SPOCK3: variants seen among roughly 807,000 people sequenced by gnomAD.
SPOCK3 encodes SPARC (osteonectin), cwcv and kazal like domains proteoglycan 3.
SPOCK3 carries 30 observed loss-of-function variants against 56.6 expected under a neutral mutation model. That is an observed-to-expected ratio of 0.53 (90% CI 0.40 to 0.72). SPOCK3 has a LOEUF of 0.72. SPOCK3 is among the 30% of genes least tolerant of loss of function. The pLI is 0.00. For missense variants in SPOCK3, 527 were observed against 530.0 expected (o/e 0.99, Z 0.06); for synonymous variants, 196 against 183.3 (o/e 1.07, Z -0.56).
intron 3 of SPOCK3, 76 bp from the exon 4 acceptor site, chr4:167,000,539 G>C: frequency 1.4e-6 from 1 of 697,850 alleles, no homozygotes; most frequent in Non-Finnish European, 2.5e-6. Context: ...AACACAATTT[G>C]ATCAGGTCAT....
chr4:166,832,078 C>T (rs1746137456), intron 6 of SPOCK3, among the ~76,000 whole-genome samples: 5 of 152,038 alleles, frequency 3.3e-5, no homozygotes, highest in African/African-American at 9.6e-5. Context: ...TGCAGAAGCT[C>T]TTTAGTTTAA....
At chr4:167,197,424 G>A (rs114391017) in intron 2 of SPOCK3, among the ~76,000 whole-genome samples, 2 of 152,016 alleles carry the variant, frequency 1.3e-5, no homozygotes, top group Non-Finnish European at 2.9e-5. Context: ...AATTCATGAC[G>A]TGAAATTTAG....
intron 2 of SPOCK3, among the ~76,000 whole-genome samples, chr4:167,073,275 T>A (rs1000367085): frequency 1.3e-5 from 2 of 151,734 alleles, no homozygotes; most frequent in Admixed American, 1.3e-4. Context: ...TTATATAACA[T>A]AAAAATGTTA....
chr4:166,815,843 G>T (rs1418778147), intron 6 of SPOCK3, among the ~76,000 whole-genome samples: 1 of 151,892 alleles, frequency 6.6e-6, no homozygotes, highest in Admixed American at 6.6e-5. Context: ...AACCCTAAGA[G>T]GCATTATCAC....
At chr4:166,858,658 C>T (rs1730925230) in intron 6 of SPOCK3, among the ~76,000 whole-genome samples, 1 of 152,110 alleles carries the variant, frequency 6.6e-6, no homozygotes, top group Non-Finnish European at 1.5e-5. Context: ...TGTGATCATA[C>T]ATGTGGAATG....
At chr4:166,841,214 C>T (rs1177614966) in intron 6 of SPOCK3, among the ~76,000 whole-genome samples, 6 of 152,060 alleles carry the variant, frequency 3.9e-5, no homozygotes, top group South Asian at 2.1e-4. Context: ...GGTGCAAAAA[C>T]GCTTTAAGGA....
intron 4 of SPOCK3, among the ~76,000 whole-genome samples, chr4:166,913,019 T>C (rs1020161394): frequency 6.6e-6 from 1 of 152,160 alleles, no homozygotes; most frequent in African/African-American, 2.4e-5. Flanking sequence ...ATGTGAACCC[T>C]TTTGATAGAC....
chr4:166,948,161 C>T (rs774906572), intron 4 of SPOCK3, among the ~76,000 whole-genome samples: 10 of 152,130 alleles, frequency 6.6e-5, no homozygotes, highest in Admixed American at 2.6e-4. Flanking sequence ...TAATGTCCTC[C>T]AGTTTCATCC....
intron 6 of SPOCK3, among the ~76,000 whole-genome samples, chr4:166,865,671 C>T (rs1579470573): frequency 6.6e-6 from 1 of 152,042 alleles, no homozygotes; most frequent in African/African-American, 2.4e-5. Flanking sequence ...GAGTGAACTC[C>T]CATTCACAAT....
chr4:166,946,249 C>T (rs1020344426), intron 4 of SPOCK3, among the ~76,000 whole-genome samples: 1 of 152,128 alleles, frequency 6.6e-6, no homozygotes, highest in Admixed American at 6.6e-5. Flanking sequence ...AAACATAACT[C>T]AGGCCATATA....
intron 4 of SPOCK3, among the ~76,000 whole-genome samples, chr4:166,994,533 T>C (rs1748154810): frequency 6.6e-6 from 1 of 152,150 alleles, no homozygotes; most frequent in African/African-American, 2.4e-5. Flanking sequence ...GAGGAGGCTC[T>C]AAAGCTACCT....
At chr4:166,960,191 T>G (rs1743989699) in intron 4 of SPOCK3, among the ~76,000 whole-genome samples, 2 of 152,174 alleles carry the variant, frequency 1.3e-5, no homozygotes. Flanking sequence ...TTATCTTAAT[T>G]TGGAAATTGT....
At chr4:167,181,775 G>T (rs1731477281) in intron 2 of SPOCK3, among the ~76,000 whole-genome samples, 1 of 152,122 alleles carries the variant, frequency 6.6e-6, no homozygotes, top group African/African-American at 2.4e-5. Flanking sequence ...TTGCAGAGAG[G>T]TCTTTTTTGA....
At chr4:167,136,784 T>A (rs1763156606) in intron 2 of SPOCK3, among the ~76,000 whole-genome samples, 1 of 152,066 alleles carries the variant, frequency 6.6e-6, no homozygotes, top group Non-Finnish European at 1.5e-5. Context: ...AGCAATGGAA[T>A]GTATACAGAA....
At chr4:167,181,447 C>T (rs1286997931) in intron 2 of SPOCK3, among the ~76,000 whole-genome samples, 4 of 152,192 alleles carry the variant, frequency 2.6e-5, no homozygotes, top group Non-Finnish European at 1.5e-5. Context: ...GTTCTATTCT[C>T]CAGATAATTT....
At chr4:167,100,400 T>C (rs114203538) in intron 2 of SPOCK3, among the ~76,000 whole-genome samples, 1,851 of 151,768 alleles carry the variant, frequency 0.012, 21 homozygotes, top group Non-Finnish European at 0.018. Flanking sequence ...TCTGTGTCTG[T>C]CTCTGTCTCT....
chr4:166,820,629 A>G (rs1744832284), intron 6 of SPOCK3, among the ~76,000 whole-genome samples: 1 of 151,966 alleles, frequency 6.6e-6, no homozygotes, highest in Non-Finnish European at 1.5e-5. Context: ...ATTTAAGACC[A>G]GCCTGGGCAA....
At chr4:167,071,361 G>C (rs1226976435) in intron 2 of SPOCK3, among the ~76,000 whole-genome samples, 1 of 152,100 alleles carries the variant, frequency 6.6e-6, no homozygotes, top group East Asian at 2.0e-4. Context: ...GTCTACATTA[G>C]GTGTTTCTCC....
intron 4 of SPOCK3, among the ~76,000 whole-genome samples, chr4:166,984,509 T>A (rs1215190166): frequency 6.6e-6 from 1 of 152,086 alleles, no homozygotes; most frequent in Non-Finnish European, 1.5e-5. Flanking sequence ...TACTGGGAGT[T>A]GTATTGTTTG....
Sources: gnomAD v4.1 joint callset for allele counts (sites outside exome capture counted in the v4.1 genomes callset) on GRCh38, gnomAD v4.1.1 for gene constraint, MANE v1.5 for transcripts, NCBI Gene and HGNC (gene_info 2026-07-23, HGNC 2026-07-21) for gene names.